SLC1A3: variants seen among roughly 807,000 people sequenced by gnomAD.
The protein encoded by SLC1A3 is solute carrier family 1 member 3, also known as excitatory amino acid transporter 1.
In SLC1A3, 21 loss-of-function variants were observed where a neutral mutation model predicts 48.1. The observed-to-expected ratio is 0.44, with a 90% CI of 0.31 to 0.63. The LOEUF (loss-of-function observed/expected upper bound fraction) is 0.63, where lower values mean the gene tolerates loss of function less well. Ranked by LOEUF, SLC1A3 falls within the 20% of genes least tolerant of loss-of-function variation. The pLI, the probability that SLC1A3 is intolerant of heterozygous loss-of-function variation, is 0.08. For synonymous variants in SLC1A3, 239 were observed against 251.4 expected (o/e 0.95, Z 0.47); for missense variants, 546 against 689.0 (o/e 0.79, Z 2.32).
chr5:36,634,825 C>T (rs2111777313), intron 3 of SLC1A3, among the ~76,000 whole-genome samples: 1 of 152,252 alleles, frequency 6.6e-6, no homozygotes, highest in East Asian at 1.9e-4. Context: ...GAGCTAGAAT[C>T]ACCAGCAAAG....
intron 3 of SLC1A3, chr5:36,668,377 C>G (rs527977677): frequency 1.3e-5 from 2 of 152,172 alleles, no homozygotes; most frequent in East Asian, 1.9e-4. Flanking sequence ...TGTGTGTGAA[C>G]AGATTGCACA....
At chr5:36,681,936 C>T (rs1742457932) in intron 8 of SLC1A3, among the ~76,000 whole-genome samples, 1 of 152,132 alleles carries the variant, frequency 6.6e-6, no homozygotes, top group Admixed American at 6.5e-5. Context: ...GAAGTTGAAA[C>T]AATATTATAC....
intron 2 of SLC1A3, among the ~76,000 whole-genome samples, chr5:36,609,456 T>G (rs961373206): frequency 1.3e-5 from 2 of 152,194 alleles, no homozygotes; most frequent in Non-Finnish European, 2.9e-5. Flanking sequence ...CAACTTAACC[T>G]ACCAATTTGC....
intron 3 of SLC1A3, among the ~76,000 whole-genome samples, chr5:36,647,405 T>C (rs1740881813): frequency 6.6e-6 from 1 of 152,242 alleles, no homozygotes; most frequent in Non-Finnish European, 1.5e-5. Flanking sequence ...GAGTAAAGCA[T>C]CCTCAGTCCA....
intron 2 of SLC1A3, among the ~76,000 whole-genome samples, chr5:36,622,246 G>T (rs987964471): frequency 2.0e-5 from 3 of 152,158 alleles, no homozygotes; most frequent in Admixed American, 6.5e-5. Context: ...AGAATGCGAG[G>T]TCTTTCTGTC....
intron 1 of SLC1A3, among the ~76,000 whole-genome samples, chr5:36,607,495 T>C (rs1738999955): frequency 6.6e-6 from 1 of 152,224 alleles, no homozygotes; most frequent in Non-Finnish European, 1.5e-5. Context: ...CTGTAATGTT[T>C]GGAATGAAAA....
intron 2 of SLC1A3, among the ~76,000 whole-genome samples, chr5:36,628,822 C>T (rs1740014948): frequency 6.6e-6 from 1 of 152,152 alleles, no homozygotes; most frequent in South Asian, 2.1e-4. Context: ...GGGAGAAAAT[C>T]TCTGCTCATT....
chr5:36,610,780 G>T (rs1739161101), intron 2 of SLC1A3, among the ~76,000 whole-genome samples: 1 of 152,160 alleles, frequency 6.6e-6, no homozygotes, highest in Non-Finnish European at 1.5e-5. Context: ...TGTGAGAATT[G>T]CAATAAGAGT....
At chr5:36,622,802 G>C (rs1383654428) in intron 2 of SLC1A3, among the ~76,000 whole-genome samples, 1 of 151,962 alleles carries the variant, frequency 6.6e-6, no homozygotes, top group Admixed American at 6.6e-5. Flanking sequence ...ACGAGGTCAG[G>C]AGATCGAGAC....
At chr5:36,639,935 G>A (rs978871131) in intron 3 of SLC1A3, among the ~76,000 whole-genome samples, 1 of 152,078 alleles carries the variant, frequency 6.6e-6, no homozygotes, top group African/African-American at 2.4e-5. Context: ...CTGGGAACCC[G>A]CATTCCGTTA....
intron 3 of SLC1A3, among the ~76,000 whole-genome samples, chr5:36,647,661 A>G (rs1204532997): frequency 6.6e-6 from 1 of 152,226 alleles, no homozygotes; most frequent in Non-Finnish European, 1.5e-5. Flanking sequence ...ACATTAAGAT[A>G]GAATTTTAAT....
chr5:36,677,323 G>C (rs974163761), intron 6 of SLC1A3, 139 bp downstream of exon 6: 1 of 704,964 alleles, frequency 1.4e-6, no homozygotes, highest in South Asian at 1.8e-5. Flanking sequence ...GAAAATCAAT[G>C]AATCTCTGGG....
At chr5:36,673,580 C>A (rs1742082257) in intron 4 of SLC1A3, among the ~76,000 whole-genome samples, 1 of 152,234 alleles carries the variant, frequency 6.6e-6, no homozygotes, top group Admixed American at 6.5e-5. Flanking sequence ...AAACCCCATT[C>A]CCCAGAACGC....
chr5:36,615,430 G>A (rs1000852739), intron 2 of SLC1A3, among the ~76,000 whole-genome samples: 8 of 152,108 alleles, frequency 5.3e-5, no homozygotes, highest in Admixed American at 1.3e-4. Flanking sequence ...CTGTACCATT[G>A]CTAGAATCTT....
At chr5:36,659,526 G>T (rs1741421645) in intron 3 of SLC1A3, among the ~76,000 whole-genome samples, 1 of 152,222 alleles carries the variant, frequency 6.6e-6, no homozygotes, top group African/African-American at 2.4e-5. Context: ...TGCCAAGAGA[G>T]TGAGGGATTA....
chr5:36,618,601 A>G (rs1203903102), intron 2 of SLC1A3, among the ~76,000 whole-genome samples: 1 of 152,032 alleles, frequency 6.6e-6, no homozygotes, highest in African/African-American at 2.4e-5. Flanking sequence ...AGCAAACTTT[A>G]CTCTTCATAC....
Position 36,686,734 on chromosome 5 carries a change from C to T in SLC1A3, c.*465C>T, listed in dbSNP as rs186288512. ...ATCAGTTGGACAGTAAGATTTTATC[C>T]CTTTCTCTTCTGACTGGTATACCTA... On this transcript the variant is annotated 3_prime_UTR_variant, in exon 10 of 10. Transcript: ENST00000265113. 8.9e-4 allele frequency: 228 copies of T among 255,790 alleles called. 1 individual carries two copies. Among genetic ancestry groups the T allele is most frequent in the Middle Eastern group, 7.4e-3 (5 of 672 alleles). The allele number at this position is 255,790 out of a possible 1,614,324, so 15.8% of individuals were successfully genotyped here.
upstream of SLC1A3, among the ~76,000 whole-genome samples, chr5:36,602,939 C>T (rs2111632644): frequency 6.6e-6 from 1 of 152,338 alleles, no homozygotes; most frequent in African/African-American, 2.4e-5. Context: ...TGTCAGCCGA[C>T]CCCTTCAAGG....
chr5:36,650,797 T>C lies in SLC1A3; in HGVS notation c.320-20232T>C, dbSNP rs573417007. On this transcript the variant is annotated intron_variant, in intron 3 of 9. Coordinates refer to ENST00000265113, the MANE Select transcript of SLC1A3 (RefSeq NM_004172.5). Reference sequence around the variant, plus strand: ...GTCAATTGGCCAAAGGATATTGAGTTAGGCAGGGCCAGCCTTTGGCAATGC... The same window carrying C: ...GTCAATTGGCCAAAGGATATTGAGTCAGGCAGGGCCAGCCTTTGGCAATGC... Among the ~76,000 whole-genome samples the C allele has an allele frequency of 2.0e-5, 3 of 152,344 alleles. No individual in the cohort carries two copies. In the South Asian group the frequency reaches 6.2e-4, roughly 32 times the overall value.
Sources: allele counts gnomAD v4.1 joint callset (sites outside exome capture counted in the v4.1 genomes callset), GRCh38; gene constraint gnomAD v4.1.1; transcripts MANE v1.5; gene names NCBI Gene and HGNC (gene_info 2026-07-23, HGNC 2026-07-21).